The following CAMSAP1 variants were observed in gnomAD, a reference collection of about 807,000 sequenced individuals.
CAMSAP1 encodes calmodulin regulated spectrin associated protein 1, also known as calmodulin-regulated spectrin-associated protein 1.
A neutral mutation model predicts 143.5 loss-of-function variants in CAMSAP1; 58 were observed. The ratio of observed to expected loss-of-function variants is 0.40; its 90% CI spans 0.33 to 0.50. The LOEUF is 0.50. Ranked by LOEUF, CAMSAP1 falls within the 20% of genes least tolerant of loss-of-function variation. The probability of loss-of-function intolerance (pLI) is 0.45; values close to 1 mark genes in which losing one functional copy is unlikely to be tolerated. For missense variants in CAMSAP1, 1,969 were observed against 2,115.7 expected, an observed-to-expected ratio of 0.93 and a Z score of 1.36; for synonymous variants, 945 against 859.3, an observed-to-expected ratio of 1.10 and a Z score of -1.74.
At position 135,823,165 on chromosome 9, in the gene CAMSAP1, A is replaced by C; in HGVS notation, c.1496T>G (p.Ile499Ser). 2 of 1,611,066 alleles carry C rather than the reference A, an allele frequency of 1.2e-6. No homozygotes were observed. Among genetic ancestry groups the C allele is most frequent in the South Asian group, 2.2e-5 (2 of 90,714 alleles). Residue 499 changes from isoleucine (I) to serine (S), a missense_variant, in exon 11 of 17, where the codon ATC becomes AGC. Ile to Ser is a moderately radical substitution (Grantham distance 142, BLOSUM62 -2). Around this residue, in one of 4 missense-constraint regions of CAMSAP1, gnomAD observed 1,390 missense variants for 1,420.8 expected, o/e 0.98. Coordinates refer to ENST00000389532, the MANE Select transcript of CAMSAP1 (RefSeq NM_015447.4). ...GTTGGATGCCAAACTGTCTTTGCTGATGGAGCGGGCCAAGCTGATGCTGTC... is the reference window on the plus strand; with the variant it reads ...GTTGGATGCCAAACTGTCTTTGCTGCTGGAGCGGGCCAAGCTGATGCTGTC... ...SGDSISLARS[I>S]SKDSLASNIV...
chr9:135,842,430 A>G (rs997603756), intron 7 of CAMSAP1, among the ~76,000 whole-genome samples: 2 of 152,204 alleles, frequency 1.3e-5, no homozygotes, highest in African/African-American at 2.4e-5. Flanking sequence ...AAACTTCAGG[A>G]TATTATCCAG....
chr9:135,836,625 CTGT>C, intron 7 of CAMSAP1: 1 of 984,984 alleles, frequency 1.0e-6, no homozygotes, highest in African/African-American at 1.7e-5. Flanking sequence ...ACCTTCTACC[CTGT>C]TCTACAGACA....
chr9:135,821,850 C>T lies in CAMSAP1; in HGVS notation c.2811G>A (p.Lys937=), dbSNP rs755278399. The part of the protein sequence containing the change: ...APPLRPEHFA[K]EYSQHNGEDC... ...CCTCCCCGTTGTGCTGAGAGTACTC[C>T]TTTGCAAAGTGCTCCGGCCTGAGGG... The change falls in exon 11 of 17, where the codon AAG becomes AAA. Residue 937 remains lysine (K), a synonymous_variant. Coordinates refer to ENST00000389532, the MANE Select transcript of CAMSAP1 (RefSeq NM_015447.4). This position sits in a 1 kb window ranked among gnomAD's most constrained non-coding sequence, Gnocchi z 4.6. 97 of 1,613,940 alleles carry T rather than the reference C, an allele frequency of 6.0e-5. 1 individual carries two copies. In the South Asian group the frequency reaches 1.0e-3, roughly 17 times the overall value.
rs140969071 is a variant in CAMSAP1 at position 135,824,018 on chromosome 9, C to T, written c.1332G>A (p.Ser444=). The T allele has an allele frequency of 3.8e-6, 6 of 1,583,544 alleles. No individual in the cohort carries two copies. The highest frequency in any genetic ancestry group is 2.3e-5 in the East Asian group (1 of 43,844). The change falls in exon 10 of 17, where the codon TCG becomes TCA. Residue 444 remains serine, a synonymous_variant. Coordinates refer to ENST00000389532, the MANE Select transcript of CAMSAP1 (RefSeq NM_015447.4). The surrounding 1 kb of genome is among the most constrained non-coding windows in gnomAD (Gnocchi z 4.1). ...GEDIPDQRHR[S]NSLTRVDGQP... Reference sequence around the variant, plus strand: ...GACCATCAACTCGGGTCAAAGAATTCGATCGATGTCGCTGATCTGCAGTAC... The same window carrying T: ...GACCATCAACTCGGGTCAAAGAATTTGATCGATGTCGCTGATCTGCAGTAC...
intron 1 of CAMSAP1, among the ~76,000 whole-genome samples, chr9:135,902,008 C>G (rs1250027697): frequency 6.6e-6 from 1 of 152,194 alleles, no homozygotes; most frequent in Non-Finnish European, 1.5e-5. Flanking sequence ...TTTGAGCACT[C>G]TGTACTGTGG....
rs1837080022 is a variant in CAMSAP1 at position 135,859,064 on chromosome 9, A to C, written c.808+3403T>G. On this transcript the variant is annotated intron_variant, in intron 5 of 16. Coordinates refer to ENST00000389532, the MANE Select transcript of CAMSAP1 (RefSeq NM_015447.4). ...GGCTTCTCTCAATCCAGTCAAATTCACACCTGAAATGAACCATCATTAATT... is the reference window on the plus strand; with the variant it reads ...GGCTTCTCTCAATCCAGTCAAATTCCCACCTGAAATGAACCATCATTAATT... 3.3e-5 allele frequency among the ~76,000 whole-genome samples: 5 copies of C among 152,232 alleles called. No homozygotes were observed. In the South Asian group the frequency reaches 1.0e-3, roughly 32 times the overall value.
intron 4 of CAMSAP1, 51 bp downstream of exon 4, chr9:135,866,405 G>A (rs1297267636): frequency 1.1e-6 from 1 of 881,466 alleles, no homozygotes; most frequent in African/African-American, 1.7e-5. Context: ...CTTTAAAATT[G>A]GGACCAACAT....
Position 135,822,505 on chromosome 9 carries a change from CAACT to C in CAMSAP1, c.2152_2155del (p.Ser718ValfsTer27). Reference sequence around the variant, plus strand: ...ATCGTGGGAGTTGGGGCTTTTTGAACAACTAACATATAACCTTCCCTCGGTGTCT... The same window carrying C: ...ATCGTGGGAGTTGGGGCTTTTTGAACAACATATAACCTTCCCTCGGTGTCT... On this transcript the variant is annotated frameshift_variant, in exon 11 of 17. Transcript: ENST00000389532. LOFTEE classifies it high-confidence loss of function. This position sits in a 1 kb window ranked among gnomAD's most constrained non-coding sequence, Gnocchi z 6.1. The C allele has an allele frequency of 6.2e-7, 1 of 1,613,896 alleles. No homozygotes were observed. Among genetic ancestry groups the C allele is most frequent in the Non-Finnish European group, 8.5e-7 (1 of 1,179,874 alleles).
At chr9:135,905,386 C>A (rs916890670) in intron 1 of CAMSAP1, among the ~76,000 whole-genome samples, 4 of 152,218 alleles carry the variant, frequency 2.6e-5, no homozygotes, top group African/African-American at 9.6e-5. Flanking sequence ...CTTTTTATAG[C>A]AATTTGTCTA....
chr9:135,899,666 C>T (rs1354180818), intron 1 of CAMSAP1, among the ~76,000 whole-genome samples: 1 of 152,166 alleles, frequency 6.6e-6, no homozygotes, highest in Non-Finnish European at 1.5e-5. Flanking sequence ...TCCAACTCTG[C>T]AGCCACTACC....
chr9:135,841,832 C>T (rs916425384), intron 7 of CAMSAP1, among the ~76,000 whole-genome samples: 1 of 152,142 alleles, frequency 6.6e-6, no homozygotes, highest in Non-Finnish European at 1.5e-5. Context: ...ACACAAAAAC[C>T]CCATCCAAAG....
chr9:135,836,639 C>T, intron 7 of CAMSAP1: 2 of 984,710 alleles, frequency 2.0e-6, no homozygotes, highest in Non-Finnish European at 2.4e-6. Flanking sequence ...TCTACAGACA[C>T]ACATCATCAC....
chr9:135,820,856 C>T lies in CAMSAP1; in HGVS notation c.3805G>A (p.Val1269Ile), dbSNP rs768569384. The T allele has an allele frequency of 1.9e-6, 3 of 1,613,004 alleles. No individual in the cohort carries two copies. Among genetic ancestry groups the T allele is most frequent in the Non-Finnish European group, 1.7e-6 (2 of 1,179,864 alleles). ...LVSEGDQKPG[V>I]GFFFKDEQKA... ...TCCCTTACCTTGAAGAAGAAGCCGA[C>T]CCCCGGCTTCTGGTCGCCTTCGCTG... Residue 1269 changes from valine to isoleucine, a missense_variant, in exon 11 of 17, where the codon GTC becomes ATC. Val to Ile is a conservative substitution (Grantham distance 29, BLOSUM62 3). This residue lies in a region of CAMSAP1 where 1,390 missense variants were observed against 1,420.8 expected (regional missense o/e 0.98). Coordinates refer to ENST00000389532, the MANE Select transcript of CAMSAP1 (RefSeq NM_015447.4). This position sits in a 1 kb window ranked among gnomAD's most constrained non-coding sequence, Gnocchi z 4.4.
chr9:135,819,168 G>A (rs1483023643), intron 11 of CAMSAP1, 22 bp from the exon 12 acceptor site: 4 of 1,589,922 alleles, frequency 2.5e-6, no homozygotes, highest in Non-Finnish European at 3.4e-6. Context: ...AGGCCACACA[G>A]AGCATGACAG....
chr9:135,867,395 A>G (rs1837414101), intron 3 of CAMSAP1, among the ~76,000 whole-genome samples: 1 of 152,032 alleles, frequency 6.6e-6, no homozygotes, highest in Admixed American at 6.5e-5. Context: ...GTATCATCCC[A>G]GCCACTTGGA....
At chr9:135,883,217 T>C (rs1187915668) in intron 1 of CAMSAP1, 139 bp from the exon 2 acceptor site, 13 of 856,192 alleles carry the variant, frequency 1.5e-5, no homozygotes, top group Admixed American at 2.9e-5. Context: ...AAAAAAATAA[T>C]TGATTGATTG....
At chr9:135,814,529 T>TGACCC (rs2131637450) in intron 16 of CAMSAP1, among the ~76,000 whole-genome samples, 1 of 152,260 alleles carries the variant, frequency 6.6e-6, no homozygotes, top group East Asian at 1.9e-4. Context: ...ACCCTCAGAT[T>TGACCC]CCTGCTTCCA....
At chr9:135,844,958 C>G (rs1836499234) in intron 7 of CAMSAP1, among the ~76,000 whole-genome samples, 1 of 152,128 alleles carries the variant, frequency 6.6e-6, no homozygotes, top group African/African-American at 2.4e-5. Flanking sequence ...GAGCTGGTAC[C>G]ATTCCTTCTG....
chr9:135,815,258 C>G, intron 15 of CAMSAP1, 43 bp from the exon 16 acceptor site: 2 of 1,299,526 alleles, frequency 1.5e-6, no homozygotes, highest in Non-Finnish European at 2.1e-6. Context: ...TATTTTAAGG[C>G]ACGAACACAC....
Sources: allele counts gnomAD v4.1 joint callset (sites outside exome capture counted in the v4.1 genomes callset), GRCh38; gene constraint gnomAD v4.1.1; regional missense constraint gnomAD v4.1.1; non-coding constraint Gnocchi (gnomAD v3.1); transcripts MANE v1.5; gene names NCBI Gene and HGNC (gene_info 2026-07-23, HGNC 2026-07-21).